The following ILKAP variants were observed in gnomAD, a reference collection of about 807,000 sequenced individuals.
ILKAP encodes ILK associated serine/threonine phosphatase.
ILKAP carries 11 observed loss-of-function variants against 49.1 expected under a neutral mutation model. That is an observed-to-expected ratio of 0.22 (90% CI 0.14 to 0.37). ILKAP has a LOEUF of 0.37. ILKAP is among the 10% of genes least tolerant of loss of function. The pLI is 1.00. For synonymous variants in ILKAP, 186 were observed against 192.8 expected (o/e 0.96, Z 0.29); for missense variants, 363 against 510.8 (o/e 0.71, Z 2.79).
intron 3 of ILKAP, among the ~76,000 whole-genome samples, chr2:238,192,937 C>T (rs916569279): frequency 2.0e-5 from 3 of 151,420 alleles, no homozygotes; most frequent in Non-Finnish European, 4.4e-5. Flanking sequence ...CGCTTAAACC[C>T]GGGAGGTGGA....
chr2:238,173,396 A>G, intron 10 of ILKAP, 138 bp downstream of exon 10: 2 of 1,123,226 alleles, frequency 1.8e-6, no homozygotes, highest in Non-Finnish European at 1.2e-6. Context: ...CAGAAACCAC[A>G]TTTTGTTTAT....
At chr2:238,182,386 G>A (rs182728842) in intron 8 of ILKAP, among the ~76,000 whole-genome samples, 200 bp from the exon 9 acceptor site, 1 of 152,204 alleles carries the variant, frequency 6.6e-6, no homozygotes, top group African/African-American at 2.4e-5. Flanking sequence ...TAGGGAGAGA[G>A]TCGCCCCTGG....
chr2:238,197,522 C>T (rs997171600), intron 1 of ILKAP, among the ~76,000 whole-genome samples: 17 of 152,146 alleles, frequency 1.1e-4, no homozygotes, highest in African/African-American at 3.9e-4. Context: ...CAGGTCTTTC[C>T]ACTGCCACTG....
chr2:238,202,421 G>C (rs910349590), intron 1 of ILKAP, among the ~76,000 whole-genome samples: 1 of 151,988 alleles, frequency 6.6e-6, no homozygotes, highest in Non-Finnish European at 1.5e-5. Flanking sequence ...CCTTCAGAAA[G>C]CAGCTCTTAG....
intron 9 of ILKAP, among the ~76,000 whole-genome samples, chr2:238,178,139 A>G (rs750044742): frequency 2.6e-5 from 4 of 152,232 alleles, no homozygotes; most frequent in Admixed American, 1.3e-4. Context: ...TTAGTGAGGT[A>G]TATCTAAGGA....
intron 9 of ILKAP, among the ~76,000 whole-genome samples, chr2:238,177,036 A>G (rs777597400): frequency 6.6e-6 from 1 of 152,268 alleles, no homozygotes; most frequent in Non-Finnish European, 1.5e-5. Flanking sequence ...TTTAAATGCT[A>G]TATGTAAACT....
intron 3 of ILKAP, 79 bp downstream of exon 3, chr2:238,194,196 A>T: frequency 7.9e-7 from 1 of 1,258,812 alleles, no homozygotes. Context: ...TCCCGTTAAA[A>T]CCTATACATA....
intron 9 of ILKAP, among the ~76,000 whole-genome samples, chr2:238,176,219 T>A (rs551453876): frequency 7.2e-6 from 1 of 139,252 alleles, no homozygotes; most frequent in Non-Finnish European, 1.5e-5. Flanking sequence ...CTGCAACCTC[T>A]GCCGCCTGGG....
intron 9 of ILKAP, among the ~76,000 whole-genome samples, chr2:238,176,615 A>G (rs1237181231): frequency 6.6e-6 from 1 of 152,256 alleles, no homozygotes; most frequent in African/African-American, 2.4e-5. Flanking sequence ...GCTGTTCAAC[A>G]GTGTCTTCAG....
chr2:238,202,574 G>T (rs1282635194), intron 1 of ILKAP, among the ~76,000 whole-genome samples: 1 of 152,178 alleles, frequency 6.6e-6, no homozygotes, highest in Non-Finnish European at 1.5e-5. Context: ...GATTTACTGG[G>T]GCTGAGGTGG....
chr2:238,177,479 A>G (rs2106328305), intron 9 of ILKAP, among the ~76,000 whole-genome samples: 1 of 152,208 alleles, frequency 6.6e-6, no homozygotes, highest in East Asian at 1.9e-4. Flanking sequence ...TAACCCCACG[A>G]TTCATTCCCC....
At chr2:238,199,405 C>T (rs1694479740) in intron 1 of ILKAP, among the ~76,000 whole-genome samples, 1 of 152,238 alleles carries the variant, frequency 6.6e-6, no homozygotes, top group South Asian at 2.1e-4. Context: ...GTCTACTTCG[C>T]TACACATTCA....
intron 9 of ILKAP, 56 bp from the exon 10 acceptor site, chr2:238,173,709 T>C (rs1352319406): frequency 3.8e-6 from 6 of 1,568,714 alleles, no homozygotes; most frequent in Non-Finnish European, 4.4e-6. Context: ...GGGTCCACAG[T>C]ACTTAGAATC....
In ILKAP at chr2:238,189,872, C is replaced by T. The variant is rs545447865; in HGVS notation, c.279G>A (p.Val93=). ...GAAAACCTTTACAAACTTTCTTTTC[C>T]ACAAGCTCTTCACTGCCATTCTTCT... ...EEEKNGSEEL[V]EKKVCKASSV... is the part of the protein sequence containing the mutation. The change falls in exon 4 of 12, where the codon GTG becomes GTA. Residue 93 remains valine, a synonymous_variant. Transcript: ENST00000254654. 9 of 1,613,874 alleles carry T rather than the reference C, an allele frequency of 5.6e-6. No individual in the cohort carries two copies. The East Asian group carries it at 1.8e-4, about 32-fold the overall frequency.
intron 7 of ILKAP, 93 bp from the exon 8 acceptor site, chr2:238,183,833 C>T (rs2305173): frequency 0.38 from 398,603 of 1,045,426 alleles, 78,131 homozygotes; most frequent in South Asian, 0.53. Flanking sequence ...TCTTATATTT[C>T]AAAATGAACC....
chr2:238,178,661 T>C (rs1030233771), intron 9 of ILKAP, among the ~76,000 whole-genome samples: 1 of 152,230 alleles, frequency 6.6e-6, no homozygotes, highest in Non-Finnish European at 1.5e-5. Flanking sequence ...CGATTTAAAA[T>C]GTGTTGTGTT....
At chr2:238,173,413 A>T in intron 10 of ILKAP, 121 bp downstream of exon 10, 1 of 1,296,324 alleles carries the variant, frequency 7.7e-7, no homozygotes. Flanking sequence ...TTATCTCTGC[A>T]CCCCCAGGGC....
chr2:238,201,533 C>T (rs146935395), intron 1 of ILKAP, among the ~76,000 whole-genome samples: 99 of 152,322 alleles, frequency 6.5e-4, no homozygotes, highest in Non-Finnish European at 8.1e-4. Flanking sequence ...ACCCTTTCAG[C>T]TCAGTCAAGG....
intron 5 of ILKAP, chr2:238,185,492 C>CT (rs1269778618): frequency 3.1e-4 from 148 of 478,278 alleles, no homozygotes; most frequent in East Asian, 1.2e-3. Flanking sequence ...AGCATTTTAT[C>CT]TTTTTTTAAA....
Sources: allele counts gnomAD v4.1 joint callset (sites outside exome capture counted in the v4.1 genomes callset), GRCh38; gene constraint gnomAD v4.1.1; transcripts MANE v1.5; gene names NCBI Gene and HGNC (gene_info 2026-07-23, HGNC 2026-07-21).